Variants in CPNE4 observed in about 807,000 individuals in gnomAD.
The protein encoded by CPNE4 is copine 4.
A neutral mutation model predicts 67.9 loss-of-function variants in CPNE4; 25 were observed. That is an observed-to-expected ratio of 0.37 (90% CI 0.27 to 0.51). The LOEUF is 0.51. Among genes scored for constraint, CPNE4 ranks in the 20% least tolerant of loss-of-function variants. The pLI, the probability that CPNE4 is intolerant of heterozygous loss-of-function variation, is 0.93. For synonymous variants in CPNE4, 242 were observed against 244.9 expected, an observed-to-expected ratio of 0.99 and a Z score of 0.11; for missense variants, 464 against 690.8, an observed-to-expected ratio of 0.67 and a Z score of 3.68.
chr3:131,589,377 G>C (rs1938391943), intron 7 of CPNE4, among the ~76,000 whole-genome samples: 1 of 152,166 alleles, frequency 6.6e-6, no homozygotes, highest in African/African-American at 2.4e-5. Context: ...ATCTGGCTTA[G>C]GAAAAAGAAG....
At chr3:131,768,969 T>C (rs919428363) in intron 2 of CPNE4, among the ~76,000 whole-genome samples, 6 of 152,172 alleles carry the variant, frequency 3.9e-5, no homozygotes, top group African/African-American at 1.2e-4. Flanking sequence ...CAGAGCCAAT[T>C]GTAATTATAT....
intron 1 of CPNE4, among the ~76,000 whole-genome samples, chr3:131,975,450 T>A (rs1265712417): frequency 1.3e-5 from 2 of 152,202 alleles, no homozygotes; most frequent in Non-Finnish European, 2.9e-5. Context: ...TACCCGAGGC[T>A]TCTCCCATTG....
chr3:131,722,441 A>T (rs1205066852), intron 3 of CPNE4, among the ~76,000 whole-genome samples: 1 of 126,374 alleles, frequency 7.9e-6, no homozygotes, highest in Non-Finnish European at 1.8e-5. Flanking sequence ...TTCCCACCCC[A>T]TACCCCCCCA....
At chr3:131,835,520 C>T (rs1342438026) in intron 2 of CPNE4, among the ~76,000 whole-genome samples, 12 of 151,738 alleles carry the variant, frequency 7.9e-5, no homozygotes, top group African/African-American at 2.7e-4. Flanking sequence ...CAGAGAAAGA[C>T]TCCATCTCAA....
intron 4 of CPNE4, among the ~76,000 whole-genome samples, chr3:131,698,660 C>G (rs1253929573): frequency 6.6e-6 from 1 of 150,806 alleles, no homozygotes; most frequent in Non-Finnish European, 1.5e-5. Context: ...ACCTGTAATC[C>G]CAGCACTTTG....
chr3:131,788,026 T>A (rs891946823), intron 2 of CPNE4, among the ~76,000 whole-genome samples: 14 of 152,132 alleles, frequency 9.2e-5, no homozygotes, highest in Non-Finnish European at 1.8e-4. Flanking sequence ...ATGTACCAAA[T>A]TTTTAAATAT....
At chr3:131,538,028 T>C (rs916274010) in intron 15 of CPNE4, among the ~76,000 whole-genome samples, 1 of 152,204 alleles carries the variant, frequency 6.6e-6, no homozygotes, top group Non-Finnish European at 1.5e-5. Context: ...CCCATATTTG[T>C]TACCATCAAA....
At chr3:132,011,389 C>G (rs1403521954) in intron 1 of CPNE4, among the ~76,000 whole-genome samples, 1 of 152,196 alleles carries the variant, frequency 6.6e-6, no homozygotes, top group African/African-American at 2.4e-5. Context: ...TTGGATTTCA[C>G]ACTCCGTTGC....
chr3:131,834,447 G>C (rs936249702), intron 2 of CPNE4, among the ~76,000 whole-genome samples: 13 of 152,110 alleles, frequency 8.5e-5, no homozygotes, highest in Non-Finnish European at 1.9e-4. Flanking sequence ...TAGATGATTT[G>C]TTAGGCTTAA....
intron 2 of CPNE4, among the ~76,000 whole-genome samples, chr3:131,756,174 G>A (rs888823362): frequency 6.6e-6 from 1 of 152,162 alleles, no homozygotes; most frequent in African/African-American, 2.4e-5. Flanking sequence ...AATAGTCTTG[G>A]TAATTAGGCC....
chr3:131,549,195 A>T (rs1367884857), intron 14 of CPNE4, among the ~76,000 whole-genome samples: 3 of 152,196 alleles, frequency 2.0e-5, no homozygotes, highest in African/African-American at 7.2e-5. Context: ...GGCTGAGAAC[A>T]TGAAGACAGT....
chr3:131,958,630 TTTTTTTTTTTTTG>T (rs2072059842), intron 1 of CPNE4, among the ~76,000 whole-genome samples: 1 of 132,140 alleles, frequency 7.6e-6, no homozygotes, highest in Non-Finnish European at 1.6e-5. Context: ...TTTTTTTTTT[TTTTTTTTTTTTTG>T]AGACAGAGTC....
chr3:131,845,861 G>C (rs968697023), intron 2 of CPNE4, among the ~76,000 whole-genome samples: 1 of 152,166 alleles, frequency 6.6e-6, no homozygotes, highest in African/African-American at 2.4e-5. Flanking sequence ...AAAAATTCTG[G>C]ATATTTACAT....
intron 14 of CPNE4, 91 bp from the exon 15 acceptor site, chr3:131,542,884 C>T (rs749804008): frequency 1.3e-5 from 11 of 853,126 alleles, no homozygotes; most frequent in South Asian, 1.1e-4. Flanking sequence ...CAGGTGGCCT[C>T]ACTGCACATT....
intron 5 of CPNE4, among the ~76,000 whole-genome samples, chr3:131,689,609 A>G (rs1189071170): frequency 6.6e-6 from 1 of 152,212 alleles, no homozygotes; most frequent in Non-Finnish European, 1.5e-5. Context: ...AGCCAACATC[A>G]TACTGAATGG....
At chr3:131,888,160 AATTCAACCT>A (rs2087968915) in intron 2 of CPNE4, among the ~76,000 whole-genome samples, 1 of 152,242 alleles carries the variant, frequency 6.6e-6, no homozygotes, top group Non-Finnish European at 1.5e-5. Context: ...TGGTTGCTTC[AATTCAACCT>A]ATTACATTTC....
Position 131,558,931 on chromosome 3 carries a change from G to A in CPNE4, c.1062-3380C>T, listed in dbSNP as rs373233665. On this transcript the variant is annotated intron_variant, in intron 11 of 15. Transcript: ENST00000429747. The stretch of plus-strand genomic sequence containing the variant: ...TTTTTTGCTGAAATTGATATTCTGG[G>A]AATGCCTGTGATGGAGAGACCTGTT... 3.3e-5 allele frequency among the ~76,000 whole-genome samples: 5 copies of A among 151,986 alleles called. No homozygotes were observed. In the East Asian group the frequency reaches 7.8e-4, roughly 24 times the overall value.
chr3:131,537,606 G>T, intron 15 of CPNE4: 1 of 305,664 alleles, frequency 3.3e-6, no homozygotes, highest in Non-Finnish European at 6.4e-6. Flanking sequence ...CATTTCTGAT[G>T]AACATTTTGG....
chr3:131,889,627 C>T (rs1479559940), intron 2 of CPNE4, among the ~76,000 whole-genome samples: 1 of 152,196 alleles, frequency 6.6e-6, no homozygotes, highest in Non-Finnish European at 1.5e-5. Flanking sequence ...AACCATATTT[C>T]CCCCTTCACA....
Sources: allele counts gnomAD v4.1 joint callset (sites outside exome capture counted in the v4.1 genomes callset), GRCh38; gene constraint gnomAD v4.1.1; transcripts MANE v1.5; gene names NCBI Gene and HGNC (gene_info 2026-07-23, HGNC 2026-07-21).